SUGCT: variants seen among roughly 807,000 people sequenced by gnomAD.
The protein encoded by SUGCT is succinyl-CoA:glutarate-CoA transferase, also known as succinyl-CoA:glutarate CoA-transferase.
In SUGCT, 41 loss-of-function variants were observed where a neutral mutation model predicts 55.0. The observed-to-expected ratio is 0.74, with a 90% CI of 0.58 to 0.97. SUGCT has a LOEUF of 0.97. Ranked by LOEUF, SUGCT falls within the 50% of genes least tolerant of loss-of-function variation. The pLI is 0.00. For synonymous variants in SUGCT, 187 were observed against 200.4 expected, an observed-to-expected ratio of 0.93 and a Z score of 0.56; for missense variants, 568 against 547.8, an observed-to-expected ratio of 1.04 and a Z score of -0.37.
chr7:40,697,564 G>GGA (rs748746399), intron 12 of SUGCT, among the ~76,000 whole-genome samples: 49 of 152,194 alleles, frequency 3.2e-4, no homozygotes, highest in Non-Finnish European at 6.5e-4. Flanking sequence ...CTTGAACCCG[G>GGA]GAGGCGGAGG....
At position 40,460,324 on chromosome 7, in the gene SUGCT, G is replaced by A. The variant is rs190682774; in HGVS notation, c.986+1126G>A. ...TTGTGGGACTGATAGACACAGAATGGGGGATGGAGAACTGGGTGCCCTTTT... is the reference window on the plus strand; with the variant it reads ...TTGTGGGACTGATAGACACAGAATGAGGGATGGAGAACTGGGTGCCCTTTT... On this transcript the variant is annotated intron_variant, in intron 11 of 13. Transcript: ENST00000335693. 1.3e-3 allele frequency among the ~76,000 whole-genome samples: 198 copies of A among 152,228 alleles called. No homozygotes were observed. The Middle Eastern group carries it at 0.021, about 16-fold the overall frequency.
At chr7:40,471,311 A>T (rs977714704) in intron 11 of SUGCT, among the ~76,000 whole-genome samples, 1 of 151,898 alleles carries the variant, frequency 6.6e-6, no homozygotes, top group Non-Finnish European at 1.5e-5. Flanking sequence ...TACATTTCTT[A>T]GACTAAAAAA....
intron 9 of SUGCT, among the ~76,000 whole-genome samples, chr7:40,390,286 G>A (rs1157254827): frequency 6.6e-6 from 1 of 152,120 alleles, no homozygotes; most frequent in Non-Finnish European, 1.5e-5. Flanking sequence ...TCTGGCCAGG[G>A]CAATCAGGCA....
chr7:40,518,962 T>G (rs941405735), intron 12 of SUGCT, among the ~76,000 whole-genome samples: 1 of 152,134 alleles, frequency 6.6e-6, no homozygotes, highest in African/African-American at 2.4e-5. Flanking sequence ...ATAATAAGTT[T>G]TCTTTATAAA....
chr7:40,334,842 A>T lies in SUGCT; in HGVS notation c.816+17987A>T, dbSNP rs146319738. 4.9e-3 allele frequency among the ~76,000 whole-genome samples: 743 copies of T among 152,254 alleles called. 5 individuals are homozygous for T. Among genetic ancestry groups the T allele is most frequent in the African/African-American group, 0.017 (705 of 41,560 alleles). On this transcript the variant is annotated intron_variant, in intron 9 of 13. Coordinates refer to ENST00000335693, the MANE Select transcript of SUGCT (RefSeq NM_001193313.2). ...AGTCCTTGCCCATGCCTATGTCCTG[A>T]ATGGTAATGCCTAGGTTTTCTTCTA...
intron 12 of SUGCT, among the ~76,000 whole-genome samples, chr7:40,725,956 A>G (rs1010818710): frequency 3.3e-5 from 5 of 152,166 alleles, no homozygotes; most frequent in African/African-American, 1.2e-4. Context: ...GTATTAGAGA[A>G]TCTTGCAATC....
chr7:40,351,867 A>C (rs992343579), intron 9 of SUGCT, among the ~76,000 whole-genome samples: 1 of 152,248 alleles, frequency 6.6e-6, no homozygotes, highest in African/African-American at 2.4e-5. Context: ...ATTTTAGATT[A>C]GTGCTTCTCA....
the SUGCT span, among the ~76,000 whole-genome samples, chr7:40,931,079 G>A: frequency 1.3e-5 from 2 of 151,988 alleles, 1 homozygote; most frequent in South Asian, 4.2e-4. Flanking sequence ...AGCTCTTATT[G>A]TTTTGAGATA....
At chr7:40,182,263 G>C (rs1785253695) in intron 3 of SUGCT, among the ~76,000 whole-genome samples, 1 of 152,116 alleles carries the variant, frequency 6.6e-6, no homozygotes, top group Non-Finnish European at 1.5e-5. Flanking sequence ...CTTTGCACCT[G>C]AAGGCTTTTG....
chr7:40,898,722 A>G, the SUGCT span, among the ~76,000 whole-genome samples: 2 of 151,922 alleles, frequency 1.3e-5, no homozygotes, highest in African/African-American at 4.8e-5. Flanking sequence ...AACACTTACC[A>G]CGAGGGTACG....
At chr7:40,281,422 C>T (rs765756917) in intron 8 of SUGCT, among the ~76,000 whole-genome samples, 5 of 152,050 alleles carry the variant, frequency 3.3e-5, no homozygotes, top group Admixed American at 6.6e-5. Context: ...TAAGGGAGAA[C>T]GAAAAATAGA....
At chr7:40,584,669 C>A (rs1414334446) in intron 12 of SUGCT, among the ~76,000 whole-genome samples, 1 of 152,170 alleles carries the variant, frequency 6.6e-6, no homozygotes, top group Non-Finnish European at 1.5e-5. Context: ...ACAGGAGAAA[C>A]TAAGGAATTA....
chr7:40,502,691 T>C (rs74786043), intron 12 of SUGCT, among the ~76,000 whole-genome samples: 1,579 of 152,210 alleles, frequency 0.01, 34 homozygotes, highest in African/African-American at 0.035. Flanking sequence ...TCTCATTTCA[T>C]GTACTCAGTA....
intron 12 of SUGCT, among the ~76,000 whole-genome samples, chr7:40,506,583 A>G (rs1045575023): frequency 6.6e-6 from 1 of 152,204 alleles, no homozygotes; most frequent in African/African-American, 2.4e-5. Flanking sequence ...GATGTTTTTC[A>G]TAAAATCTGA....
intron 12 of SUGCT, chr7:40,684,161 C>T: frequency 6.4e-7 from 1 of 1,561,474 alleles, no homozygotes; most frequent in Non-Finnish European, 8.6e-7. Flanking sequence ...CTTACTACAT[C>T]TCACTTCCTG....
chr7:40,140,245 C>A (rs1228266411), intron 1 of SUGCT, among the ~76,000 whole-genome samples: 5 of 152,048 alleles, frequency 3.3e-5, no homozygotes, highest in Non-Finnish European at 5.9e-5. Context: ...GATCCAGTTT[C>A]ATTCTTCTGC....
chr7:40,858,044 A>C (rs919666063), intron 13 of SUGCT, among the ~76,000 whole-genome samples: 50 of 152,198 alleles, frequency 3.3e-4, no homozygotes, highest in African/African-American at 1.2e-3. Context: ...TTAACATTTA[A>C]ACCTCCATTT....
intron 6 of SUGCT, among the ~76,000 whole-genome samples, chr7:40,204,438 G>T (rs928999959): frequency 1.3e-5 from 2 of 151,932 alleles, no homozygotes; most frequent in Non-Finnish European, 2.9e-5. Flanking sequence ...GAGTAGCTGG[G>T]ACTACAGGTG....
intron 12 of SUGCT, among the ~76,000 whole-genome samples, chr7:40,670,169 C>CAAAAAAAAAAAAAAAAAAA (rs34786531): frequency 1.7e-5 from 1 of 58,210 alleles, no homozygotes; most frequent in Non-Finnish European, 3.4e-5. Flanking sequence ...GACTCCATCT[C>CAAAAAAAAAAAAAAAAAAA]AAAAAAAAAA....
Sources: allele counts gnomAD v4.1 joint callset (sites outside exome capture counted in the v4.1 genomes callset), GRCh38; gene constraint gnomAD v4.1.1; transcripts MANE v1.5; gene names NCBI Gene and HGNC (gene_info 2026-07-23, HGNC 2026-07-21).